Variants in TMEM223 observed in about 807,000 individuals in gnomAD.
TMEM223 encodes the protein transmembrane protein 223.
Under a neutral mutation model 14.1 loss-of-function variants are expected in TMEM223, and 14 were observed. That is an observed-to-expected ratio of 0.99 (90% confidence interval 0.66 to 1.55). TMEM223 has a LOEUF of 1.55. Among genes scored for constraint, TMEM223 ranks in the 40% most tolerant of loss-of-function variants. TMEM223 has a pLI of 0.00. For synonymous variants in TMEM223, 145 were observed against 120.5 expected (o/e 1.20, Z -1.33); for missense variants, 346 against 269.9 (o/e 1.28, Z -1.97).
At chr11:62,779,488 C>T (rs1328737369) in intron 1 of TMEM223, among the ~76,000 whole-genome samples, 1 of 151,864 alleles carries the variant, frequency 6.6e-6, no homozygotes, top group African/African-American at 2.4e-5. Flanking sequence ...AGCCACCGTG[C>T]CCAGCCTTAT....
intron 1 of TMEM223, among the ~76,000 whole-genome samples, chr11:62,780,384 G>A (rs772089774): frequency 5.3e-5 from 8 of 151,958 alleles, no homozygotes; most frequent in Non-Finnish European, 7.4e-5. Context: ...GGTGGTGGAC[G>A]CCTGTAATCC....
chr11:62,778,249 A>T, intron 1 of TMEM223: 8 of 1,613,936 alleles, frequency 5.0e-6, no homozygotes, highest in Non-Finnish European at 6.8e-6. Context: ...AAGGGGCAAA[A>T]CGCCAGGCTG....
chr11:62,779,976 A>ATATATATATATATATTTTTTTTT (rs1294367864), intron 1 of TMEM223, among the ~76,000 whole-genome samples: 1 of 52,626 alleles, frequency 1.9e-5, no homozygotes, highest in Non-Finnish European at 3.6e-5. Flanking sequence ...ATATATATAT[A>ATATATATATATATATTTTTTTTT]TTTTTTTTTT....
At chr11:62,782,837 G>A, downstream of TMEM223, 5 of 1,613,534 alleles carry the variant, frequency 3.1e-6, 1 homozygote, top group Middle Eastern at 1.7e-4. Context: ...TGAGCACCCT[G>A]GCCTTTCTCA....
At chr11:62,772,184 A>AAGT in intron 2 of TMEM223, 1 of 455,928 alleles carries the variant, frequency 2.2e-6, no homozygotes, top group Non-Finnish European at 4.4e-6. Flanking sequence ...GAATATAGTG[A>AAGT]AGTAATCCAT....
chr11:62,778,905 T>C, intron 1 of TMEM223: 3 of 1,614,136 alleles, frequency 1.9e-6, no homozygotes, highest in Non-Finnish European at 2.5e-6. Context: ...GATGACCTTC[T>C]CAAGTACTAT....
intron 1 of TMEM223, among the ~76,000 whole-genome samples, chr11:62,775,163 G>T (rs188607885): frequency 1.3e-5 from 2 of 152,214 alleles, no homozygotes; most frequent in African/African-American, 4.8e-5. Context: ...AGTCATGGTG[G>T]AAGAGGAAGC....
downstream of TMEM223, chr11:62,789,805 C>A (rs765527450): frequency 2.6e-6 from 4 of 1,543,308 alleles, no homozygotes; most frequent in African/African-American, 5.5e-5. Context: ...TAAAATTCAG[C>A]AGTTCAGAGT....
At chr11:62,778,938 T>C (rs2134708300) in intron 1 of TMEM223, 3 of 1,613,914 alleles carry the variant, frequency 1.9e-6, no homozygotes, top group Non-Finnish European at 2.5e-6. Context: ...CGTGCTGTGC[T>C]AGGGGATGAT....
At chr11:62,787,355 C>G (rs531134425), downstream of TMEM223, 136 of 1,536,246 alleles carry the variant, frequency 8.9e-5, 2 homozygotes, top group South Asian at 1.6e-3. Context: ...ACGTCTCCAC[C>G]TTCGTGGGTC....
downstream of TMEM223, chr11:62,786,103 C>A: frequency 1.1e-6 from 1 of 901,932 alleles, no homozygotes; most frequent in Non-Finnish European, 1.7e-6. Flanking sequence ...ACAGTAGGTT[C>A]CAAATAAATA....
At chr11:62,779,078 T>C in intron 1 of TMEM223, 1 of 832,554 alleles carries the variant, frequency 1.2e-6, no homozygotes, top group East Asian at 2.7e-5. Context: ...TGGAGTGCAA[T>C]GGCATGATCT....
downstream of TMEM223, among the ~76,000 whole-genome samples, chr11:62,788,296 C>T (rs1005618868): frequency 1.3e-5 from 2 of 151,848 alleles, no homozygotes; most frequent in Non-Finnish European, 2.9e-5. Flanking sequence ...CCAGCTACTT[C>T]GGAGGCTGAG....
downstream of TMEM223, chr11:62,787,881 G>C: frequency 1.8e-6 from 1 of 565,694 alleles, no homozygotes; most frequent in Non-Finnish European, 3.4e-6. Context: ...CATTTGTGCT[G>C]AGCTTTGTCG....
downstream of TMEM223, among the ~76,000 whole-genome samples, chr11:62,785,436 C>T (rs1258416962): frequency 6.6e-6 from 1 of 150,848 alleles, no homozygotes; most frequent in Admixed American, 6.6e-5. Context: ...TCCTGATCCG[C>T]CTGCCTTGGC....
intron 1 of TMEM223, chr11:62,778,439 C>A (rs367806308): frequency 7.3e-7 from 1 of 1,364,814 alleles, no homozygotes; most frequent in East Asian, 2.4e-5. Context: ...ATGTGTTTAC[C>A]CATGCCTGCC....
chr11:62,787,061 AC>A (rs1373994144), downstream of TMEM223: 3 of 1,525,518 alleles, frequency 2.0e-6, no homozygotes, highest in Admixed American at 5.9e-5. Context: ...GGCACCCGCG[AC>A]GTTTTCCAGA....
At chr11:62,775,781 G>C in intron 1 of TMEM223, 1 of 1,605,972 alleles carries the variant, frequency 6.2e-7, no homozygotes, top group Non-Finnish European at 8.5e-7. Flanking sequence ...CTCCACTGGG[G>C]CCATGTCAGA....
chr11:62,776,183 C>T (rs2084186874), intron 1 of TMEM223, among the ~76,000 whole-genome samples: 5 of 152,130 alleles, frequency 3.3e-5, no homozygotes, highest in Non-Finnish European at 2.9e-5. Flanking sequence ...TCACATTCTG[C>T]ATGTGAGAAA....
Sources: allele counts gnomAD v4.1 joint callset (sites outside exome capture counted in the v4.1 genomes callset), GRCh38; gene constraint gnomAD v4.1.1; transcripts MANE v1.5; gene names NCBI Gene and HGNC (gene_info 2026-07-23, HGNC 2026-07-21).